The following KMT2B variants were observed in gnomAD, a reference collection of about 807,000 sequenced individuals.
The protein encoded by KMT2B is histone-lysine N-methyltransferase 2B.
KMT2B carries 22 observed loss-of-function variants against 255.3 expected under a neutral mutation model. The observed-to-expected ratio is 0.09, with a 90% CI of 0.06 to 0.12. The LOEUF is 0.12. Among genes scored for constraint, KMT2B ranks in the 10% least tolerant of loss-of-function variants. KMT2B has a pLI of 1.00. For synonymous variants in KMT2B, 1,730 were observed against 1,498.1 expected (o/e 1.15, Z -3.57); for missense variants, 3,149 against 3,737.0 (o/e 0.84, Z 4.10).
chr19:35,733,498 G>T lies in KMT2B; in HGVS notation c.6949G>T (p.Gly2317Cys). 2 of 1,556,146 alleles carry T rather than the reference G, an allele frequency of 1.3e-6. No individual in the cohort carries two copies. Among genetic ancestry groups the T allele is most frequent in the Non-Finnish European group, 1.7e-6 (2 of 1,150,086 alleles). The stretch of plus-strand genomic sequence containing the variant: ...GGATACCCCTCAGGTTCCAGGGCTT[G>T]GCAGTGGCGGGTGAGTGCGGGTGCT... ...SEDTPQVPGL[G>C]SGGFSRVRMK... Residue 2317 changes from glycine to cysteine, a missense_variant, in exon 28 of 37, where the codon GGC (glycine) becomes TGC (cysteine). Gly to Cys is a radical substitution (Grantham distance 159). Around this residue, in one of 18 missense-constraint regions of KMT2B, gnomAD observed 897 missense variants for 825.3 expected, o/e 1.09. Coordinates refer to ENST00000420124, the MANE Select transcript of KMT2B (RefSeq NM_014727.3). This position sits in a 1 kb window ranked among gnomAD's most constrained non-coding sequence, Gnocchi z 4.3.
rs774135243 is a variant in KMT2B, at chr19:35,719,986, C to G, written c.639C>G (p.Pro213=). The G allele has an allele frequency of 1.9e-6, 3 of 1,613,296 alleles. No homozygotes were observed. The Admixed American group carries it at 5.0e-5, about 27-fold the overall frequency. Reference sequence around the variant, plus strand: ...CACCCCGGAGCCGGGCATGTGAGCCCTCCACCCCCCGGCGGTCTCGGGGAC... The same window carrying G: ...CACCCCGGAGCCGGGCATGTGAGCCGTCCACCCCCCGGCGGTCTCGGGGAC... ...PQAPRSRACE[P]STPRRSRGRP... Residue 213 remains proline (P), a synonymous_variant, in exon 3 of 37, where the codon CCC becomes CCG. Transcript: ENST00000420124.
chr19:35,733,917 C>A lies in KMT2B; in HGVS notation c.7159+45C>A. ...TCTCCCTCCTTGCCTGTGCCTGGCTCAGCTGGGTGACTCACAGATGCAAAA... is the reference window on the plus strand; with the variant it reads ...TCTCCCTCCTTGCCTGTGCCTGGCTAAGCTGGGTGACTCACAGATGCAAAA... On this transcript the variant is annotated intron_variant, in intron 30 of 36. Coordinates refer to ENST00000420124, the MANE Select transcript of KMT2B (RefSeq NM_014727.3). This position sits in a 1 kb window ranked among gnomAD's most constrained non-coding sequence, Gnocchi z 4.3. 1 of 1,409,370 alleles carries A rather than the reference C, an allele frequency of 7.1e-7. No homozygotes were observed. Among genetic ancestry groups the A allele is most frequent in the Non-Finnish European group, 1.0e-6 (1 of 1,004,504 alleles). 87.3% of individuals were successfully genotyped at this position (1,409,370 alleles called of 1,614,324 possible). A position where few individuals can be genotyped will look rare whatever the true frequency, so the allele number is the denominator to read the frequency against.
rs1327946226 is a variant in KMT2B at position 35,720,715 on chromosome 19, CCCT to C, written c.1375_1377del (p.Pro459del). The C allele has an allele frequency of 4.1e-6, 6 of 1,476,148 alleles. No individual in the cohort carries two copies. Among genetic ancestry groups the C allele is most frequent in the Middle Eastern group, 1.8e-4 (1 of 5,608 alleles). The allele number at this position is 1,476,148 out of a possible 1,614,324, so 91.4% of individuals were successfully genotyped here. A position where few individuals can be genotyped will look rare whatever the true frequency, so the allele number is the denominator to read the frequency against. On this transcript the variant is annotated inframe_deletion, in exon 3 of 37. Coordinates refer to ENST00000420124, the MANE Select transcript of KMT2B (RefSeq NM_014727.3). The stretch of plus-strand genomic sequence containing the variant: ...CTGCCCAAGAGGAGCAGGAGGAATC[CCCT>C]CCTCCTGTGGTCCCAGCTACGTGCT...
Position 35,723,033 on chromosome 19 carries a change from C to T in KMT2B, c.2761C>T (p.Arg921Trp), listed in dbSNP as rs749911178. 7 of 1,610,920 alleles carry T rather than the reference C, an allele frequency of 4.3e-6. No homozygotes were observed. The Admixed American group carries it at 6.7e-5, about 15-fold the overall frequency. The stretch of plus-strand genomic sequence containing the variant: ...GTCCGAGACTGAGAGTGTCCCGTCA[C>T]GGTCCCGGCGGGGAAAGGTGGAGGC... ...SASETESVPS[R>W]SRRGKVEAAG... Residue 921 changes from arginine to tryptophan, a missense_variant, in exon 6 of 37, where the codon CGG (arginine) becomes TGG (tryptophan). This residue lies in a region of KMT2B where 132 missense variants were observed against 174.7 expected (regional missense o/e 0.76). Transcript: ENST00000420124. The surrounding 1 kb of genome is among the most constrained non-coding windows in gnomAD (Gnocchi z 7.5).
Position 35,719,824 on chromosome 19 carries a change from C to T in KMT2B, c.477C>T (p.Thr159=). The T allele has an allele frequency of 1.9e-6, 3 of 1,609,256 alleles. No individual in the cohort carries two copies. The highest frequency in any genetic ancestry group is 2.5e-6 in the Non-Finnish European group (3 of 1,178,340). ...GTCGGGGTCGCAAGCATAAGACGAC[C>T]CCCCTTCCTCCTCCTCGCCTAGCAG... ...PRGRGRKHKT[T]PLPPPRLADV... is the part of the protein sequence containing the mutation. Residue 159 remains threonine, a synonymous_variant, in exon 3 of 37, where the codon ACC becomes ACT. Coordinates refer to ENST00000420124, the MANE Select transcript of KMT2B (RefSeq NM_014727.3).
At position 35,738,521 on chromosome 19, in the gene KMT2B, C is replaced by T. The variant is rs762905456; in HGVS notation, c.8112C>T (p.Asn2704=). ...IEDASNKLPC[N]CGAKRCRRFL... is the part of the protein sequence containing the mutation. Reference sequence around the variant, plus strand: ...ATGCCAGCAACAAGCTGCCCTGCAACTGTGGCGCCAAGCGCTGCCGTCGGT... The same window carrying T: ...ATGCCAGCAACAAGCTGCCCTGCAATTGTGGCGCCAAGCGCTGCCGTCGGT... Residue 2704 remains asparagine, a synonymous_variant, in exon 37 of 37, where the codon AAC becomes AAT. Transcript: ENST00000420124. The surrounding 1 kb of genome is among the most constrained non-coding windows in gnomAD (Gnocchi z 8.7). 30 of 1,613,846 alleles carry T rather than the reference C, an allele frequency of 1.9e-5. No homozygotes were observed. Among genetic ancestry groups the T allele is most frequent in the Non-Finnish European group, 2.5e-5 (30 of 1,179,882 alleles).
At chr19:35,722,042 T>C (rs1969238036) in intron 3 of KMT2B, among the ~76,000 whole-genome samples, 1 of 151,626 alleles carries the variant, frequency 6.6e-6, no homozygotes, top group Non-Finnish European at 1.5e-5. Context: ...GAGTCTCACT[T>C]TGTCCAGGCT....
Position 35,732,846 on chromosome 19 carries a change from A to G in KMT2B, c.6297A>G (p.Ala2099=), listed in dbSNP as rs73590585. The part of the protein sequence containing the change: ...GVVRAGVLGA[A]GDRARPPEDL... Reference sequence around the variant, plus strand: ...TCCGGGCAGGGGTCCTTGGGGCTGCAGGGGACAGGGCCCGGCCTCCTGAGG... The same window carrying G: ...TCCGGGCAGGGGTCCTTGGGGCTGCGGGGGACAGGGCCCGGCCTCCTGAGG... Residue 2099 remains alanine, a synonymous_variant, in exon 28 of 37, where the codon GCA becomes GCG. Transcript: ENST00000420124. 168,502 of 1,608,286 alleles carry G rather than the reference A, an allele frequency of 0.1. 9,345 individuals carry two copies. Among genetic ancestry groups the G allele is most frequent in the South Asian group, 0.11 (10,318 of 90,446 alleles).
chr19:35,723,362 G>A lies in KMT2B; in HGVS notation c.3003-85G>A, dbSNP rs1239356080. ...TCCTCTTCTGCCTGGCCAGAGCAGT[G>A]GGGTTGGCATTCTTGTGGAGAGCTT... On this transcript the variant is annotated intron_variant, in intron 6 of 36. Coordinates refer to ENST00000420124, the MANE Select transcript of KMT2B (RefSeq NM_014727.3). The surrounding 1 kb of genome is among the most constrained non-coding windows in gnomAD (Gnocchi z 7.5). 6.5e-7 allele frequency: 1 copy of A among 1,548,916 alleles called. No individual in the cohort carries two copies. The highest frequency in any genetic ancestry group is 8.8e-7 in the Non-Finnish European group (1 of 1,141,888).
In KMT2B at chr19:35,727,135, CCTT is replaced by C. The variant is rs1182462937; in HGVS notation, c.4004-18_4004-16del. 2 of 1,568,096 alleles carry C rather than the reference CCTT, an allele frequency of 1.3e-6. No homozygotes were observed. The highest frequency in any genetic ancestry group is 1.1e-5 in the South Asian group (1 of 87,446). Reference sequence around the variant, plus strand: ...AGTGGGAACTCCAGCACCTCTGACTCCTTCTCTTCCCTTTCTCTAGGAAACTAC... The same window carrying C: ...AGTGGGAACTCCAGCACCTCTGACTCCTCTTCCCTTTCTCTAGGAAACTAC... On this transcript the variant is annotated intron_variant, in intron 14 of 36. Transcript: ENST00000420124. This position sits in a 1 kb window ranked among gnomAD's most constrained non-coding sequence, Gnocchi z 4.2.
Position 35,726,347 on chromosome 19 carries a change from G to A in KMT2B, c.3997G>A (p.Glu1333Lys). ...CTGCCCCAGGTGCACCCAGCTATAT[G>A]AGAAAGGTGGGGACCGGGCAGGGGA... is the stretch of plus-strand genomic sequence containing the variant. ...SLCPRCTQLY[E>K]KGNYCPICTR... The change falls in exon 14 of 37, where the codon GAG becomes AAG. Residue 1333 changes from glutamate (E) to lysine (K), a missense_variant. Physicochemically the swap from Glu to Lys is moderately conservative, Grantham distance 56 (BLOSUM62 1). Transcript: ENST00000420124. 6.2e-7 allele frequency: 1 copy of A among 1,607,192 alleles called. No individual in the cohort carries two copies. Among genetic ancestry groups the A allele is most frequent in the Non-Finnish European group, 8.5e-7 (1 of 1,173,868 alleles).
Position 35,723,495 on chromosome 19 carries a change from T to G in KMT2B, c.3051T>G (p.Ala1017=). 3.2e-6 allele frequency: 5 copies of G among 1,568,516 alleles called. No individual in the cohort carries two copies. Among genetic ancestry groups the G allele is most frequent in the Non-Finnish European group, 4.3e-6 (5 of 1,157,526 alleles). The part of the protein sequence containing the change: ...KIEARKMERL[A]KKGRTIVKTL... The stretch of plus-strand genomic sequence containing the variant: ...AGGCTCGGAAGATGGAACGACTGGC[T>G]AAAAAAGGTGACGAGCTTTAAGGAG... The change falls in exon 7 of 37, where the codon GCT becomes GCG. Residue 1017 remains alanine (A), a synonymous_variant. Transcript: ENST00000420124. The surrounding 1 kb of genome is among the most constrained non-coding windows in gnomAD (Gnocchi z 7.5).
intron 30 of KMT2B, among the ~76,000 whole-genome samples, chr19:35,734,809 G>A (rs1969855718): frequency 6.6e-6 from 1 of 152,184 alleles, no homozygotes; most frequent in Non-Finnish European, 1.5e-5. Context: ...CTGGGATTTT[G>A]TGGTGGCCCA....
rs1970011076 is a variant in KMT2B, at chr19:35,738,571, C to T, written c.*14C>T. The T allele has an allele frequency of 6.2e-7, 1 of 1,606,838 alleles. No homozygotes were observed. The highest frequency in any genetic ancestry group is 8.5e-7 in the Non-Finnish European group (1 of 1,175,020). ...TTCCTTAACTGAGGCCGTGGCTGCC[C>T]ACCACGACCCCTCACACCTCCTGCT... On this transcript the variant is annotated 3_prime_UTR_variant, in exon 37 of 37. Transcript: ENST00000420124. This position sits in a 1 kb window ranked among gnomAD's most constrained non-coding sequence, Gnocchi z 8.7.
chr19:35,724,847 T>C (rs1599679171), intron 9 of KMT2B, 116 bp downstream of exon 9: 1 of 1,148,748 alleles, frequency 8.7e-7, no homozygotes, highest in Non-Finnish European at 1.3e-6. Flanking sequence ...CCCTGAGGGA[T>C]GAGGCGGGCC....
At position 35,726,231 on chromosome 19, in the gene KMT2B, C is replaced by G; in HGVS notation, c.3886-5C>G. 3 of 1,611,658 alleles carry G rather than the reference C, an allele frequency of 1.9e-6. No individual in the cohort carries two copies. The highest frequency in any genetic ancestry group is 2.5e-6 in the Non-Finnish European group (3 of 1,178,040). On this transcript the variant is annotated splice_region_variant and splice_polypyrimidine_tract_variant and intron_variant, in intron 13 of 36. Coordinates refer to ENST00000420124, the MANE Select transcript of KMT2B (RefSeq NM_014727.3). ...TTTTCCCCTAACATCGCCCTGCTCCCCCAGATCTGTTCAGCCTGTGTGCGC... is the reference window on the plus strand; with the variant it reads ...TTTTCCCCTAACATCGCCCTGCTCCGCCAGATCTGTTCAGCCTGTGTGCGC...
At chr19:35,719,672 C>A (rs921481758) in intron 2 of KMT2B, 112 bp from the exon 3 acceptor site, 1 of 1,516,430 alleles carries the variant, frequency 6.6e-7, no homozygotes, top group South Asian at 1.3e-5. Flanking sequence ...CCAAGCTAGT[C>A]TGGGCAGCGG....
chr19:35,732,152 T>TG lies in KMT2B; in HGVS notation c.5665+22dup. On this transcript the variant is annotated intron_variant, in intron 27 of 36. Transcript: ENST00000420124. ...CCTCCCCTGGTGAGCACCGGGCATG[T>TG]GGGGGTTGGGGGTGGAGCCGCGGAG... 7 of 1,574,252 alleles carry TG rather than the reference T, an allele frequency of 4.4e-6. No individual in the cohort carries two copies. The highest frequency in any genetic ancestry group is 6.0e-6 in the Non-Finnish European group (7 of 1,158,336).
rs200332721 is a variant in KMT2B at position 35,721,636 on chromosome 19, G to A, written c.2289G>A (p.Pro763=). ...CACCACAGCCACAGCTGCAGCCACC[G>A]CCGTCACCACAGCAGATGCCTCCCC... is the stretch of plus-strand genomic sequence containing the variant. The part of the protein sequence containing the change: ...LPPPQPQLQP[P]PSPQQMPPLE... The change falls in exon 3 of 37, where the codon CCG becomes CCA. Residue 763 remains proline, a synonymous_variant. Coordinates refer to ENST00000420124, the MANE Select transcript of KMT2B (RefSeq NM_014727.3). 1.3e-5 allele frequency: 21 copies of A among 1,613,230 alleles called. No individual in the cohort carries two copies. The East Asian group carries it at 1.3e-4, about 10-fold the overall frequency.
Sources: gnomAD v4.1 joint callset for allele counts (sites outside exome capture counted in the v4.1 genomes callset) on GRCh38, gnomAD v4.1.1 for gene constraint, gnomAD v4.1.1 regional missense constraint, Gnocchi (gnomAD v3.1) non-coding constraint, MANE v1.5 for transcripts, NCBI Gene and HGNC (gene_info 2026-07-23, HGNC 2026-07-21) for gene names.